The following PHACTR3 variants were observed in gnomAD, a reference collection of about 807,000 sequenced individuals.
PHACTR3 encodes protein phosphatase 1, regulatory subunit 123.
In PHACTR3, 16 loss-of-function variants were observed where a neutral mutation model predicts 66.8. The ratio of observed to expected loss-of-function variants is 0.24; its 90% CI spans 0.16 to 0.36. PHACTR3 has a LOEUF of 0.36. PHACTR3 is among the 10% of genes least tolerant of loss of function. The probability of loss-of-function intolerance (pLI) is 1.00; values close to 1 mark genes in which losing one functional copy is unlikely to be tolerated. For synonymous variants in PHACTR3, 323 were observed against 292.1 expected (o/e 1.11, Z -1.08); for missense variants, 647 against 719.9 (o/e 0.90, Z 1.16).
Position 59,605,131 on chromosome 20 carries a change from A to G in PHACTR3, c.117A>G (p.Pro39=), listed in dbSNP as rs1600897521. 1.0e-6 allele frequency: 1 copy of G among 994,388 alleles called. No homozygotes were observed. The highest frequency in any genetic ancestry group is 1.3e-6 in the Non-Finnish European group (1 of 753,540). 61.6% of individuals were successfully genotyped at this position (994,388 alleles called of 1,614,324 possible). ...ATSSADAGEN[P]DEMDQTPPAR... is the part of the protein sequence containing the mutation. ...CCTCCGCGGACGCCGGGGAGAACCC[A>G]GGTAACGGGCTGGGCGGGGGCGGCG... Residue 39 remains proline (P), a splice_region_variant and synonymous_variant, in exon 1 of 13, where the codon CCA becomes CCG. Coordinates refer to ENST00000371015, the MANE Select transcript of PHACTR3 (RefSeq NM_080672.5).
rs953785979 is a variant in PHACTR3 at position 59,847,375 on chromosome 20, A to G, written c.*245A>G. 2 of 377,924 alleles carry G rather than the reference A, an allele frequency of 5.3e-6. No individual in the cohort carries two copies. Among genetic ancestry groups the G allele is most frequent in the Non-Finnish European group, 9.8e-6 (2 of 204,030 alleles). 23.4% of individuals were successfully genotyped at this position (377,924 alleles called of 1,614,324 possible). On this transcript the variant is annotated 3_prime_UTR_variant, in exon 13 of 13. Coordinates refer to ENST00000371015, the MANE Select transcript of PHACTR3 (RefSeq NM_080672.5). Reference sequence around the variant, plus strand: ...CTGTTGGGGTCAGTTAAGACCCAACATAACTCTATCAGAAGAAAACTGTTG... The same window carrying G: ...CTGTTGGGGTCAGTTAAGACCCAACGTAACTCTATCAGAAGAAAACTGTTG...
chr20:59,740,735 G>A (rs556315601), intron 1 of PHACTR3, among the ~76,000 whole-genome samples: 4 of 152,356 alleles, frequency 2.6e-5, no homozygotes, highest in Admixed American at 6.5e-5. Flanking sequence ...AAGGCCCTGG[G>A]TTAGAGACAG....
At chr20:59,822,606 C>T (rs1024665116) in intron 8 of PHACTR3, among the ~76,000 whole-genome samples, 1 of 151,970 alleles carries the variant, frequency 6.6e-6, no homozygotes, top group African/African-American at 2.4e-5. Context: ...AGGTCTGGGT[C>T]CGGTGGAAAT....
In PHACTR3 at chr20:59,841,374, TATG is replaced by T. The variant is rs1250224586; in HGVS notation, c.1447-15_1447-13del. ...GCTAGTTTGGCATGTGATACTTAAC[TATG>T]ATGATCTTTAATTTTAGCTTAATCA... On this transcript the variant is annotated intron_variant, in intron 10 of 12. Transcript: ENST00000371015. The T allele has an allele frequency of 1.2e-6, 2 of 1,602,474 alleles. No homozygotes were observed. Among genetic ancestry groups the T allele is most frequent in the East Asian group, 4.5e-5 (2 of 44,604 alleles).
intron 1 of PHACTR3, among the ~76,000 whole-genome samples, chr20:59,725,965 C>A (rs1056990816): frequency 6.6e-6 from 1 of 152,112 alleles, no homozygotes; most frequent in African/African-American, 2.4e-5. Context: ...TGGGGTCAGG[C>A]CATGTGGATC....
At chr20:59,720,120 G>A (rs1027719237) in intron 1 of PHACTR3, among the ~76,000 whole-genome samples, 2 of 152,174 alleles carry the variant, frequency 1.3e-5, no homozygotes, top group African/African-American at 4.8e-5. Flanking sequence ...AAGGGGCACC[G>A]TGACCAGTTA....
At chr20:59,690,108 A>G (rs1256863215) in intron 1 of PHACTR3, among the ~76,000 whole-genome samples, 1 of 152,156 alleles carries the variant, frequency 6.6e-6, no homozygotes, top group Non-Finnish European at 1.5e-5. Flanking sequence ...AAAACAAAAC[A>G]AAACAAAACA....
intron 1 of PHACTR3, among the ~76,000 whole-genome samples, chr20:59,673,737 G>A (rs1601064538): frequency 1.3e-5 from 2 of 152,278 alleles, no homozygotes; most frequent in South Asian, 2.1e-4. Context: ...ATGGGCCCTC[G>A]GCTGTCAGTG....
chr20:59,734,627 AGT>A (rs139915514), intron 1 of PHACTR3, among the ~76,000 whole-genome samples: 16 of 151,818 alleles, frequency 1.1e-4, no homozygotes, highest in Admixed American at 3.9e-4. Flanking sequence ...TGCTTTGTGT[AGT>A]GTGTGTGTGT....
At position 59,722,829 on chromosome 20, in the gene PHACTR3, G is replaced by A. The variant is rs956521450; in HGVS notation, c.119-20278G>A. Among the ~76,000 whole-genome samples the A allele has an allele frequency of 2.0e-5, 3 of 151,992 alleles. No homozygotes were observed. The East Asian group carries it at 5.8e-4, about 29-fold the overall frequency. ...TTGGGAGGAGCCTCTGCTCACGGTGGGGGCATGGGGGTGGTGGTGAGCACC... is the reference window on the plus strand; with the variant it reads ...TTGGGAGGAGCCTCTGCTCACGGTGAGGGCATGGGGGTGGTGGTGAGCACC... On this transcript the variant is annotated intron_variant, in intron 1 of 12. Transcript: ENST00000371015.
intron 8 of PHACTR3, among the ~76,000 whole-genome samples, chr20:59,807,187 TAAC>T (rs1441404120): frequency 1.3e-5 from 2 of 152,254 alleles, no homozygotes; most frequent in African/African-American, 4.8e-5. Context: ...ACTCTTATAA[TAAC>T]ACTTAGCACA....
At chr20:59,632,264 C>T (rs1235187416) in intron 1 of PHACTR3, among the ~76,000 whole-genome samples, 3 of 152,134 alleles carry the variant, frequency 2.0e-5, no homozygotes, top group Non-Finnish European at 4.4e-5. Flanking sequence ...TTCCTCAGTC[C>T]CCTTGCGTCT....
At chr20:59,807,100 C>T (rs140211036) in intron 8 of PHACTR3, among the ~76,000 whole-genome samples, 8 of 152,312 alleles carry the variant, frequency 5.3e-5, no homozygotes, top group Non-Finnish European at 8.8e-5. Context: ...TCACTGCACA[C>T]TTAGGCTACG....
intron 1 of PHACTR3, among the ~76,000 whole-genome samples, chr20:59,648,524 G>A (rs1024411413): frequency 1.6e-4 from 24 of 152,194 alleles, no homozygotes; most frequent in Non-Finnish European, 2.8e-4. Context: ...AAATCTCCTC[G>A]TGATTTCTTA....
intron 1 of PHACTR3, among the ~76,000 whole-genome samples, chr20:59,715,488 T>C (rs75521754): frequency 2.6e-5 from 4 of 152,358 alleles, no homozygotes; most frequent in Non-Finnish European, 4.4e-5. Context: ...TTGTTTTCCA[T>C]GTTTTGTCTT....
At position 59,820,929 on chromosome 20, in the gene PHACTR3, T is replaced by G. The variant is rs2042013364; in HGVS notation, c.1328+14735T>G. Among the ~76,000 whole-genome samples the G allele has an allele frequency of 6.6e-6, 1 of 152,150 alleles. No individual in the cohort carries two copies. The highest frequency in any genetic ancestry group is 2.1e-4 in the South Asian group (1 of 4,830). ...TCCAAGCCTTGAAATGGGTGTGTGA[T>G]GTCTGCCTGCTCAGATGCTTGCAGG... On this transcript the variant is annotated intron_variant, in intron 8 of 12. Coordinates refer to ENST00000371015, the MANE Select transcript of PHACTR3 (RefSeq NM_080672.5). This position sits in a 1 kb window ranked among gnomAD's most constrained non-coding sequence, Gnocchi z 4.6.
At chr20:59,577,791 C>T (rs2032755927) in intron 1 of PHACTR3, among the ~76,000 whole-genome samples, 1 of 152,152 alleles carries the variant, frequency 6.6e-6, no homozygotes, top group African/African-American at 2.4e-5. Context: ...TCGGGCTTAC[C>T]GCCCCCCTCC....
At chr20:59,731,161 G>A (rs1049131063) in intron 1 of PHACTR3, among the ~76,000 whole-genome samples, 5 of 152,152 alleles carry the variant, frequency 3.3e-5, no homozygotes, top group African/African-American at 1.2e-4. Context: ...AAGATGTTGT[G>A]TGATATTATT....
intron 1 of PHACTR3, among the ~76,000 whole-genome samples, chr20:59,709,027 G>A (rs2037817807): frequency 6.6e-6 from 1 of 152,084 alleles, no homozygotes; most frequent in South Asian, 2.1e-4. Context: ...TCCCTTTTTG[G>A]TTATCCTTGC....
Sources: gnomAD v4.1 joint callset for allele counts (sites outside exome capture counted in the v4.1 genomes callset) on GRCh38, gnomAD v4.1.1 for gene constraint, Gnocchi (gnomAD v3.1) non-coding constraint, MANE v1.5 for transcripts, NCBI Gene and HGNC (gene_info 2026-07-23, HGNC 2026-07-21) for gene names.